The following TERF2 variants were observed in gnomAD, a reference collection of about 807,000 sequenced individuals.
The protein encoded by TERF2 is telomeric repeat binding factor 2, also known as telomeric repeat-binding factor 2.
A neutral mutation model predicts 56.1 loss-of-function variants in TERF2; 16 were observed. The ratio of observed to expected loss-of-function variants is 0.29; its 90% CI spans 0.19 to 0.43. The LOEUF (loss-of-function observed/expected upper bound fraction) is 0.43. TERF2 is among the 20% of genes least tolerant of loss of function. TERF2 has a pLI of 1.00. For synonymous variants in TERF2, 296 were observed against 282.1 expected (o/e 1.05, Z -0.50); for missense variants, 547 against 712.9 (o/e 0.77, Z 2.65).
Position 69,370,286 on chromosome 16 carries a change from C to T in TERF2, c.840+197G>A, listed in dbSNP as rs916446889. On this transcript the variant is annotated intron_variant, in intron 5 of 9. Coordinates refer to ENST00000254942, the MANE Select transcript of TERF2 (RefSeq NM_005652.5). ...CCTCAGGTGATCCACCCCCCTGGGC[C>T]TCCCAAAGTGCTGGGATTACAGGCG... 5 of 671,664 alleles carry T rather than the reference C, an allele frequency of 7.4e-6. No homozygotes were observed. In the Admixed American group the frequency reaches 1.7e-4, roughly 23 times the overall value. 41.6% of individuals were successfully genotyped at this position (671,664 alleles called of 1,614,324 possible).
chr16:69,385,468 A>G lies in TERF2; in HGVS notation c.398T>C (p.Leu133Ser). The change falls in exon 2 of 10, where the codon TTG becomes TCG. Residue 133 changes from leucine (L) to serine (S), a missense_variant. Leu to Ser is a moderately radical substitution (Grantham distance 145). Coordinates refer to ENST00000254942, the MANE Select transcript of TERF2 (RefSeq NM_005652.5). ...TCGGGACACGGTGTGCTCCTTCCCC[A>G]AGGGCCTGACAAGCAAAGCTGGGAG... ...DIMQALLVRP[L>S]GKEHTVSRLL... is the part of the protein sequence containing the mutation. 1 of 1,613,948 alleles carries G rather than the reference A, an allele frequency of 6.2e-7. No homozygotes were observed. The highest frequency in any genetic ancestry group is 8.5e-7 in the Non-Finnish European group (1 of 1,179,954).
chr16:69,385,386 C>T lies in TERF2; in HGVS notation c.475+5G>A. 6.2e-7 allele frequency: 1 copy of T among 1,612,952 alleles called. No individual in the cohort carries two copies. The highest frequency in any genetic ancestry group is 8.5e-7 in the Non-Finnish European group (1 of 1,179,040). On this transcript the variant is annotated splice_donor_5th_base_variant and intron_variant, in intron 2 of 9. Transcript: ENST00000254942. ...GCCCAGAGAAGAACACAAAAATAGC[C>T]ATACCTAAATTTTCCCCTTCTTCAA...
At chr16:69,369,216 C>T (rs963680616) in intron 5 of TERF2, among the ~76,000 whole-genome samples, 4 of 127,056 alleles carry the variant, frequency 3.1e-5, no homozygotes, top group African/African-American at 1.3e-4. Flanking sequence ...CCTGAATATC[C>T]CAAACTACCT....
chr16:69,356,177 C>G lies in TERF2; in HGVS notation c.*721G>C, dbSNP rs953488170. On this transcript the variant is annotated 3_prime_UTR_variant, in exon 10 of 10. Coordinates refer to ENST00000254942, the MANE Select transcript of TERF2 (RefSeq NM_005652.5). Reference sequence around the variant, plus strand: ...TTTGCATCAGAAGGCCAGAACTTGACGTGGAACAAATTTACTCCAAATAAT... The same window carrying G: ...TTTGCATCAGAAGGCCAGAACTTGAGGTGGAACAAATTTACTCCAAATAAT... The G allele has an allele frequency of 2.2e-6, 1 of 454,964 alleles. No individual in the cohort carries two copies. Among genetic ancestry groups the G allele is most frequent in the African/African-American group, 2.0e-5 (1 of 50,002 alleles). The allele number at this position is 454,964 out of a possible 1,614,324, so 28.2% of individuals were successfully genotyped here. A position where few individuals can be genotyped will look rare whatever the true frequency, so the allele number is the denominator to read the frequency against.
chr16:69,366,737 C>T (rs769745085), intron 7 of TERF2, 70 bp downstream of exon 7: 101 of 1,511,614 alleles, frequency 6.7e-5, no homozygotes, highest in African/African-American at 2.1e-4. Context: ...ACTTCATTCA[C>T]GGAAGTAATA....
intron 9 of TERF2, 87 bp downstream of exon 9, chr16:69,357,431 A>G: frequency 8.8e-7 from 1 of 1,135,208 alleles, no homozygotes; most frequent in Non-Finnish European, 1.3e-6. Context: ...CTGGGTACAT[A>G]ACCAGTCTAT....
At position 69,356,872 on chromosome 16, in the gene TERF2, G is replaced by A; in HGVS notation, c.*26C>T. The A allele has an allele frequency of 6.3e-7, 1 of 1,598,114 alleles. No individual in the cohort carries two copies. The highest frequency in any genetic ancestry group is 8.5e-7 in the Non-Finnish European group (1 of 1,172,776). ...CTATTATTAGGAACCATGCTCCTGT[G>A]AATTCTGTGGAAATGAAAGCCTGTT... is the stretch of plus-strand genomic sequence containing the variant. On this transcript the variant is annotated 3_prime_UTR_variant, in exon 10 of 10. Transcript: ENST00000254942.
chr16:69,356,732 G>A lies in TERF2; in HGVS notation c.*166C>T, dbSNP rs1433060185. ...GGAGAATGGCGTGAGCCCGGGAGAC[G>A]GAGGTCGCAGTGAGCCGAGATCACG... On this transcript the variant is annotated 3_prime_UTR_variant, in exon 10 of 10. Coordinates refer to ENST00000254942, the MANE Select transcript of TERF2 (RefSeq NM_005652.5). 12 of 695,662 alleles carry A rather than the reference G, an allele frequency of 1.7e-5. No individual in the cohort carries two copies. The highest frequency in any genetic ancestry group is 3.6e-5 in the Admixed American group (1 of 27,442). 43.1% of individuals were successfully genotyped at this position (695,662 alleles called of 1,614,324 possible).
chr16:69,368,411 T>C lies in TERF2; in HGVS notation c.912A>G (p.Pro304=). 6.2e-7 allele frequency: 1 copy of C among 1,614,142 alleles called. No homozygotes were observed. Among genetic ancestry groups the C allele is most frequent in the Non-Finnish European group, 8.5e-7 (1 of 1,180,032 alleles). The stretch of plus-strand genomic sequence containing the variant: ...CTCTGGGTGGCTTTTCCACAGGCCC[T>C]GGTGCTGGCTGTTTATCTTCCTTCC... ...STGKEDKQPA[P]GPVEKPPREP... Residue 304 remains proline (P), a synonymous_variant, in exon 6 of 10, where the codon CCA becomes CCG. Transcript: ENST00000254942.
chr16:69,373,176 A>G (rs541179753), intron 3 of TERF2, among the ~76,000 whole-genome samples: 1 of 152,288 alleles, frequency 6.6e-6, no homozygotes, highest in East Asian at 1.9e-4. Flanking sequence ...TTACTACCAT[A>G]AACCCCAGCT....
chr16:69,370,891 A>C (rs2013545955), intron 4 of TERF2, among the ~76,000 whole-genome samples: 1 of 152,168 alleles, frequency 6.6e-6, no homozygotes, highest in Admixed American at 6.5e-5. Flanking sequence ...TATAATATTA[A>C]GTGAAAAAAG....
In TERF2 at chr16:69,385,384, G is replaced by T; in HGVS notation, c.475+7C>A. ...AAGCCCAGAGAAGAACACAAAAATA[G>T]CCATACCTAAATTTTCCCCTTCTTC... is the stretch of plus-strand genomic sequence containing the variant. On this transcript the variant is annotated splice_region_variant and intron_variant, in intron 2 of 9. Coordinates refer to ENST00000254942, the MANE Select transcript of TERF2 (RefSeq NM_005652.5). 6.2e-7 allele frequency: 1 copy of T among 1,612,144 alleles called. No individual in the cohort carries two copies. The highest frequency in any genetic ancestry group is 8.5e-7 in the Non-Finnish European group (1 of 1,178,366).
At chr16:69,376,995 G>GT (rs2013815248) in intron 3 of TERF2, among the ~76,000 whole-genome samples, 1 of 152,050 alleles carries the variant, frequency 6.6e-6, no homozygotes, top group African/African-American at 2.4e-5. Flanking sequence ...GAGGTTGGGA[G>GT]TTTGAGACCA....
At chr16:69,377,184 C>G (rs890985327) in intron 3 of TERF2, among the ~76,000 whole-genome samples, 9 of 142,836 alleles carry the variant, frequency 6.3e-5, no homozygotes, top group Middle Eastern at 7.6e-3. Context: ...GCCTGGGCAA[C>G]AGAGCAAGAC....
chr16:69,384,636 C>T lies in TERF2; in HGVS notation c.550G>A (p.Glu184Lys). The change falls in exon 3 of 10, where the codon GAA becomes AAA. Residue 184 changes from glutamate to lysine, a missense_variant. Glu to Lys is a moderately conservative substitution (Grantham distance 56). Transcript: ENST00000254942. Reference protein sequence around the residue: ...AINVLEMIKTEFTLTEAVVES... With the variant: ...AINVLEMIKTKFTLTEAVVES... ...ACCACTGCTTCTGTCAGTGTAAATTCCGTTTTAATCATCTCCAGCACATTG... is the reference window on the plus strand; with the variant it reads ...ACCACTGCTTCTGTCAGTGTAAATTTCGTTTTAATCATCTCCAGCACATTG... 6.2e-7 allele frequency: 1 copy of T among 1,614,112 alleles called. No individual in the cohort carries two copies. Among genetic ancestry groups the T allele is most frequent in the Non-Finnish European group, 8.5e-7 (1 of 1,180,018 alleles).
chr16:69,384,827 A>G (rs2014130792), intron 2 of TERF2, 117 bp from the exon 3 acceptor site: 8 of 1,013,074 alleles, frequency 7.9e-6, no homozygotes, highest in Non-Finnish European at 9.3e-6. Context: ...TAAGATTTGC[A>G]TTTAATTTTT....
At chr16:69,371,202 T>C (rs1246712142) in intron 4 of TERF2, among the ~76,000 whole-genome samples, 2 of 152,004 alleles carry the variant, frequency 1.3e-5, no homozygotes, top group Admixed American at 6.6e-5. Context: ...ATAATAAAAT[T>C]TGAATTTATA....
At chr16:69,370,994 T>TACACAC (rs113222809) in intron 4 of TERF2, among the ~76,000 whole-genome samples, 26,391 of 147,622 alleles carry the variant, frequency 0.18, 2,585 homozygotes, top group African/African-American at 0.25. Flanking sequence ...TGGATGTCTG[T>TACACAC]ACACACACAC....
chr16:69,363,711 G>A (rs745656412), intron 7 of TERF2, among the ~76,000 whole-genome samples: 1 of 152,242 alleles, frequency 6.6e-6, no homozygotes, highest in Non-Finnish European at 1.5e-5. Context: ...GCTCACGTCT[G>A]TAATCCCAGC....
Sources: gnomAD v4.1 joint callset for allele counts (sites outside exome capture counted in the v4.1 genomes callset) on GRCh38, gnomAD v4.1.1 for gene constraint, MANE v1.5 for transcripts, NCBI Gene and HGNC (gene_info 2026-07-23, HGNC 2026-07-21) for gene names.